PKIA: variants seen among roughly 807,000 people sequenced by gnomAD.
PKIA encodes PKI-alpha.
In PKIA, 4 loss-of-function variants were observed where a neutral mutation model predicts 7.6. The observed-to-expected ratio is 0.52, with a 90% CI of 0.26 to 1.20. The LOEUF is 1.20. PKIA is among the 50% of genes most tolerant of loss of function. The pLI is 0.13. For missense variants in PKIA, 73 were observed against 86.2 expected (o/e 0.85, Z 0.61); for synonymous variants, 21 against 30.7 (o/e 0.68, Z 1.04).
At chr8:78,537,585 C>T (rs933603733) in intron 1 of PKIA, among the ~76,000 whole-genome samples, 3 of 147,592 alleles carry the variant, frequency 2.0e-5, no homozygotes, top group Admixed American at 6.8e-5. Flanking sequence ...ACCCCCTCTC[C>T]GTCCCACCCC....
chr8:78,518,581 A>G (rs1809358703), intron 1 of PKIA, among the ~76,000 whole-genome samples: 1 of 152,236 alleles, frequency 6.6e-6, no homozygotes, highest in Admixed American at 6.5e-5. Flanking sequence ...TAATGTTGAC[A>G]GTCACCTTTC....
chr8:78,539,794 G>A (rs978273173), intron 1 of PKIA, among the ~76,000 whole-genome samples: 2 of 151,920 alleles, frequency 1.3e-5, no homozygotes, highest in Non-Finnish European at 1.5e-5. Context: ...ATAATTATAT[G>A]TAATAAACCT....
chr8:78,590,775 C>T lies in PKIA; in HGVS notation c.-27-7583C>T, dbSNP rs117330330. Among the ~76,000 whole-genome samples, 1,401 of 151,872 alleles carry T rather than the reference C, an allele frequency of 9.2e-3. 8 individuals are homozygous for T. The highest frequency in any genetic ancestry group is 0.016 in the Non-Finnish European group (1,060 of 67,954). ...ATTTTTTTCAGTTTTTCTAATTTCC[C>T]ATATGTTAAATATTGGTAGATTTAT... On this transcript the variant is annotated intron_variant, in intron 2 of 3. Coordinates refer to ENST00000396418, the MANE Select transcript of PKIA (RefSeq NM_006823.4).
chr8:78,542,775 CTT>C (rs1462484127), intron 1 of PKIA, among the ~76,000 whole-genome samples: 2 of 152,106 alleles, frequency 1.3e-5, no homozygotes, highest in African/African-American at 2.4e-5. Flanking sequence ...CCTGTACTCT[CTT>C]TTGTATTCCC....
chr8:78,533,133 G>C (rs1440364785), intron 1 of PKIA, among the ~76,000 whole-genome samples: 2 of 152,012 alleles, frequency 1.3e-5, no homozygotes, highest in Non-Finnish European at 2.9e-5. Flanking sequence ...AGATGAGTCA[G>C]GTTTCATTTG....
chr8:78,599,282 G>A (rs573582146), intron 3 of PKIA, among the ~76,000 whole-genome samples: 3 of 152,008 alleles, frequency 2.0e-5, no homozygotes, highest in Non-Finnish European at 2.9e-5. Context: ...GAAGACTTGT[G>A]TAAAAATAAC....
At position 78,591,842 on chromosome 8, in the gene PKIA, T is replaced by G. The variant is rs111619907; in HGVS notation, c.-27-6516T>G. 5.0e-3 allele frequency among the ~76,000 whole-genome samples: 759 copies of G among 152,256 alleles called. 9 individuals are homozygous for G. The highest frequency in any genetic ancestry group is 0.015 in the African/African-American group (642 of 41,574). ...CTAGTAAAGAATCAAAGTCTACTTT[T>G]AATAAGTTTTCCAGATTTTGTCCTG... On this transcript the variant is annotated intron_variant, in intron 2 of 3. Transcript: ENST00000396418.
chr8:78,526,334 G>C (rs1585867248), intron 1 of PKIA, among the ~76,000 whole-genome samples: 1 of 151,986 alleles, frequency 6.6e-6, no homozygotes, highest in East Asian at 1.9e-4. Flanking sequence ...TAGTTGATTG[G>C]ATCACCTGGC....
At chr8:78,568,705 A>T (rs578123857) in intron 1 of PKIA, among the ~76,000 whole-genome samples, 1 of 152,206 alleles carries the variant, frequency 6.6e-6, no homozygotes, top group Admixed American at 6.5e-5. Flanking sequence ...GACACAGACA[A>T]AAAAAGCTCC....
At chr8:78,590,711 G>A (rs1228102129) in intron 2 of PKIA, among the ~76,000 whole-genome samples, 1 of 151,832 alleles carries the variant, frequency 6.6e-6, no homozygotes, top group East Asian at 1.9e-4. Flanking sequence ...AGTGTAATGG[G>A]TTTATTCATA....
At chr8:78,546,527 C>T (rs915294422) in intron 1 of PKIA, among the ~76,000 whole-genome samples, 8 of 151,912 alleles carry the variant, frequency 5.3e-5, no homozygotes, top group African/African-American at 1.7e-4. Flanking sequence ...TTCAATGTAA[C>T]GTTAAAAAAA....
chr8:78,527,700 C>T (rs1806282252), intron 1 of PKIA, among the ~76,000 whole-genome samples: 1 of 151,964 alleles, frequency 6.6e-6, no homozygotes, highest in African/African-American at 2.4e-5. Flanking sequence ...CTTTTCTGAA[C>T]TAGATCTTAC....
intron 1 of PKIA, among the ~76,000 whole-genome samples, chr8:78,570,967 T>A (rs775291929): frequency 6.6e-5 from 10 of 152,104 alleles, no homozygotes; most frequent in Admixed American, 1.3e-4. Flanking sequence ...CTCTCTTCCA[T>A]TACACTATGT....
rs1330449829 is a variant in PKIA at position 78,524,087 on chromosome 8, A to G, written c.-157+7619A>G. Among the ~76,000 whole-genome samples the G allele has an allele frequency of 5.4e-5, 7 of 128,682 alleles. 1 individual carries two copies. The highest frequency in any genetic ancestry group is 2.3e-4 in the African/African-American group (7 of 30,804). 84.4% of individuals were successfully genotyped at this position (128,682 alleles called of 152,430 possible). On this transcript the variant is annotated intron_variant, in intron 1 of 3. Coordinates refer to ENST00000396418, the MANE Select transcript of PKIA (RefSeq NM_006823.4). The stretch of plus-strand genomic sequence containing the variant: ...TTATATTTATATATAAATATAAATA[A>G]ACATTTATATTTATATATAAATATA...
At chr8:78,545,388 G>A (rs1213393249) in intron 1 of PKIA, among the ~76,000 whole-genome samples, 4 of 151,928 alleles carry the variant, frequency 2.6e-5, no homozygotes, top group African/African-American at 9.7e-5. Context: ...GGCATAGCTT[G>A]GATTTTTTTT....
chr8:78,598,407 A>G lies in PKIA; in HGVS notation c.23A>G (p.Tyr8Cys). MTDVETT[Y>C]ADFIASGRTG... The stretch of plus-strand genomic sequence containing the variant: ...GCAATGACTGATGTGGAAACTACAT[A>G]TGCAGATTTTATTGCTTCAGGAAGA... The change falls in exon 3 of 4, where the codon TAT (tyrosine) becomes TGT (cysteine). Residue 8 changes from tyrosine (Y) to cysteine (C), a missense_variant. Tyr to Cys is a radical substitution (Grantham distance 194). Coordinates refer to ENST00000396418, the MANE Select transcript of PKIA (RefSeq NM_006823.4). The G allele has an allele frequency of 6.2e-7, 1 of 1,612,076 alleles. No individual in the cohort carries two copies. Among genetic ancestry groups the G allele is most frequent in the East Asian group, 2.2e-5 (1 of 44,802 alleles).
chr8:78,534,150 T>G (rs1281050023), intron 1 of PKIA: 1 of 152,144 alleles, frequency 6.6e-6, no homozygotes, highest in Non-Finnish European at 1.5e-5. Context: ...CCATCAGTGT[T>G]TTCAAAATTA....
intron 1 of PKIA, among the ~76,000 whole-genome samples, chr8:78,530,420 T>C (rs933385141): frequency 6.6e-6 from 1 of 152,032 alleles, no homozygotes; most frequent in Non-Finnish European, 1.5e-5. Flanking sequence ...TAAATTCACT[T>C]ACAAACCTCA....
chr8:78,551,892 T>C (rs1353744087), intron 1 of PKIA, among the ~76,000 whole-genome samples: 2 of 152,028 alleles, frequency 1.3e-5, no homozygotes, highest in South Asian at 2.1e-4. Flanking sequence ...GAACAATCTT[T>C]CTGTGTTTTT....
Sources: gnomAD v4.1 joint callset for allele counts (sites outside exome capture counted in the v4.1 genomes callset) on GRCh38, gnomAD v4.1.1 for gene constraint, MANE v1.5 for transcripts, NCBI Gene and HGNC (gene_info 2026-07-23, HGNC 2026-07-21) for gene names.